The following DGLUCY variants were observed in gnomAD, a reference collection of about 807,000 sequenced individuals.
DGLUCY encodes the protein D-glutamate cyclase, also known as D-glutamate cyclase, mitochondrial.
In DGLUCY, 58 loss-of-function variants were observed where a neutral mutation model predicts 58.5. The ratio of observed to expected loss-of-function variants is 0.99; its 90% confidence interval spans 0.80 to 1.23. The LOEUF (loss-of-function observed/expected upper bound fraction) is 1.23. Among genes scored for constraint, DGLUCY ranks in the 50% most tolerant of loss-of-function variants. The pLI is 0.00. For missense variants in DGLUCY, 779 were observed against 784.7 expected, an observed-to-expected ratio of 0.99 and a Z score of 0.09; for synonymous variants, 325 against 314.1, an observed-to-expected ratio of 1.03 and a Z score of -0.37.
rs561549437 is a variant in DGLUCY at position 91,121,376 on chromosome 14, T to G, written c.-82+7093T>G. 2.6e-5 allele frequency among the ~76,000 whole-genome samples: 4 copies of G among 152,304 alleles called. No homozygotes were observed. The South Asian group carries it at 8.3e-4, about 32-fold the overall frequency. ...GACCCTCCTCTCCTGTGGGGATGTC[T>G]GTAACTCTTTCTTCAAGAAATAATA... On this transcript the variant is annotated intron_variant, in intron 1 of 13. Transcript: ENST00000256324.
At chr14:91,076,900 A>C (rs1254372298) in intron 1 of DGLUCY, among the ~76,000 whole-genome samples, 1 of 152,104 alleles carries the variant, frequency 6.6e-6, no homozygotes, top group Non-Finnish European at 1.5e-5. Flanking sequence ...AGGAATGGGA[A>C]GTACTAACAG....
intron 4 of DGLUCY, among the ~76,000 whole-genome samples, chr14:91,168,937 AT>A (rs1427452520): frequency 6.6e-6 from 1 of 151,976 alleles, no homozygotes; most frequent in Non-Finnish European, 1.5e-5. Flanking sequence ...AAATACAGAA[AT>A]TAGCCGGGCA....
chr14:91,169,109 A>T (rs1456846416), intron 4 of DGLUCY, among the ~76,000 whole-genome samples: 3 of 151,968 alleles, frequency 2.0e-5, no homozygotes, highest in East Asian at 1.9e-4. Context: ...AATAAATAAA[A>T]AACATTAAAA....
chr14:91,074,431 A>G lies in DGLUCY; in HGVS notation c.-82+13727A>G, dbSNP rs572590753. 3.3e-5 allele frequency among the ~76,000 whole-genome samples: 5 copies of G among 151,728 alleles called. No individual in the cohort carries two copies. The South Asian group carries it at 1.0e-3, about 32-fold the overall frequency. On this transcript the variant is annotated intron_variant, in intron 1 of 4. Transcript: ENST00000521334. Reference sequence around the variant, plus strand: ...GAGTTCGAGGCTGCAGTGAGCTATGATGTGGTCTCATTGGACTCTAGCCTG... The same window carrying G: ...GAGTTCGAGGCTGCAGTGAGCTATGGTGTGGTCTCATTGGACTCTAGCCTG...
intron 9 of DGLUCY, among the ~76,000 whole-genome samples, chr14:91,189,959 C>T (rs919666365): frequency 2.0e-5 from 3 of 149,082 alleles, no homozygotes; most frequent in African/African-American, 5.0e-5. Context: ...CGAGTATGTG[C>T]CAGGCACTCT....
intron 13 of DGLUCY, among the ~76,000 whole-genome samples, chr14:91,222,981 T>C (rs1042726941): frequency 2.0e-5 from 3 of 152,216 alleles, no homozygotes; most frequent in Non-Finnish European, 4.4e-5. Flanking sequence ...CTTTTTCTTA[T>C]AAGAGCACTT....
intron 1 of DGLUCY, among the ~76,000 whole-genome samples, chr14:91,149,847 A>G (rs1037686610): frequency 2.6e-5 from 4 of 152,352 alleles, no homozygotes; most frequent in Non-Finnish European, 5.9e-5. Context: ...AGGTTCTCAA[A>G]TATTCTAGAA....
At chr14:91,190,335 T>C (rs188497280) in intron 9 of DGLUCY, among the ~76,000 whole-genome samples, 12 of 152,296 alleles carry the variant, frequency 7.9e-5, no homozygotes, top group Admixed American at 6.5e-5. Context: ...ACAACAGTCC[T>C]GCCCCCACGG....
intron 3 of DGLUCY, 55 bp from the exon 4 acceptor site, chr14:91,167,170 G>C (rs562583891): frequency 3.3e-6 from 5 of 1,503,492 alleles, no homozygotes; most frequent in Non-Finnish European, 4.5e-6. Context: ...AAATCAGTAA[G>C]TGTCTGCCAA....
intron 13 of DGLUCY, among the ~76,000 whole-genome samples, chr14:91,218,325 C>G (rs1407131204): frequency 6.6e-6 from 1 of 152,126 alleles, no homozygotes; most frequent in Non-Finnish European, 1.5e-5. Context: ...CAGATGGAAG[C>G]TTTTCCTTCT....
intron 1 of DGLUCY, among the ~76,000 whole-genome samples, chr14:91,080,439 C>T (rs554923041): frequency 5.9e-5 from 9 of 152,280 alleles, no homozygotes; most frequent in African/African-American, 2.2e-4. Context: ...GGCACGATCT[C>T]AGCTCACTGC....
intron 1 of DGLUCY, among the ~76,000 whole-genome samples, chr14:91,077,998 T>C (rs56703773): frequency 0.36 from 54,398 of 151,930 alleles, 10,329 homozygotes; most frequent in African/African-American, 0.49. Flanking sequence ...CAGTAAACAT[T>C]AACAGGCCTT....
At chr14:91,187,166 A>G (rs2140490188) in intron 8 of DGLUCY, among the ~76,000 whole-genome samples, 1 of 152,028 alleles carries the variant, frequency 6.6e-6, no homozygotes, top group East Asian at 1.9e-4. Context: ...TGCCTGGCTA[A>G]TTTTTGTATT....
At chr14:91,133,307 C>T (rs1045048678) in intron 1 of DGLUCY, among the ~76,000 whole-genome samples, 1 of 152,056 alleles carries the variant, frequency 6.6e-6, no homozygotes, top group African/African-American at 2.4e-5. Flanking sequence ...ACAACAACAA[C>T]AACAACAACA....
intron 1 of DGLUCY, among the ~76,000 whole-genome samples, chr14:91,118,285 G>C (rs970848286): frequency 7.3e-5 from 11 of 151,710 alleles, no homozygotes; most frequent in African/African-American, 2.7e-4. Context: ...GTAGAGCCAG[G>C]GTTTCACCAT....
intron 9 of DGLUCY, chr14:91,189,787 C>T (rs2049755246): frequency 6.5e-6 from 1 of 154,572 alleles, no homozygotes; most frequent in South Asian, 2.0e-4. Context: ...CTCTGTGTCC[C>T]TCAAAATGCA....
intron 1 of DGLUCY, among the ~76,000 whole-genome samples, chr14:91,085,041 G>A (rs2044189334): frequency 1.3e-5 from 2 of 151,934 alleles, no homozygotes; most frequent in Non-Finnish European, 2.9e-5. Context: ...GGGCAACAGG[G>A]CAAGACCCCA....
rs892714640 is a variant in DGLUCY, at chr14:91,077,079, C to CA, written c.-82+16381dup. On this transcript the variant is annotated intron_variant, in intron 1 of 4. Coordinates refer to the DGLUCY transcript ENST00000521334. The stretch of plus-strand genomic sequence containing the variant: ...GCAACATCGTGAGAGCCTGTCTCTA[C>CA]AAAAAATGAATAAAATTAGCCAGGT... 5.9e-5 allele frequency among the ~76,000 whole-genome samples: 9 copies of CA among 152,024 alleles called. No homozygotes were observed. In the South Asian group the frequency reaches 8.3e-4, roughly 14 times the overall value.
chr14:91,067,222 A>G (rs2043838576), intron 1 of DGLUCY, among the ~76,000 whole-genome samples: 1 of 152,138 alleles, frequency 6.6e-6, no homozygotes, highest in Admixed American at 6.5e-5. Context: ...TGGTATAATC[A>G]CAAATGAAAG....
Sources: allele counts gnomAD v4.1 joint callset (sites outside exome capture counted in the v4.1 genomes callset), GRCh38; gene constraint gnomAD v4.1.1; transcripts MANE v1.5; gene names NCBI Gene and HGNC (gene_info 2026-07-23, HGNC 2026-07-21).